Variants in CACNA1H observed in about 807,000 individuals in gnomAD.
CACNA1H encodes the protein calcium voltage-gated channel subunit alpha1 H.
In CACNA1H, 149 loss-of-function variants were observed where a neutral mutation model predicts 192.5. The observed-to-expected ratio is 0.77, with a 90% CI of 0.68 to 0.89. The LOEUF (loss-of-function observed/expected upper bound fraction) is 0.89. Ranked by LOEUF, CACNA1H falls within the 40% of genes least tolerant of loss-of-function variation. The probability of loss-of-function intolerance (pLI) is 0.00; values close to 1 mark genes in which losing one functional copy is unlikely to be tolerated. For synonymous variants in CACNA1H, 2,202 were observed against 1,475.2 expected, an observed-to-expected ratio of 1.49 and a Z score of -11.29; for missense variants, 4,257 against 3,423.5, an observed-to-expected ratio of 1.24 and a Z score of -6.08.
intron 12 of CACNA1H, 60 bp from the exon 13 acceptor site, chr16:1,206,941 C>T (rs1968796828): frequency 8.6e-6 from 4 of 466,020 alleles, no homozygotes; most frequent in Admixed American, 3.4e-5. Context: ...GCTCCCCCAC[C>T]TTCTTCCGCT....
At chr16:1,171,046 C>G (rs1964317760) in intron 2 of CACNA1H, among the ~76,000 whole-genome samples, 1 of 152,144 alleles carries the variant, frequency 6.6e-6, no homozygotes, top group Admixed American at 6.5e-5. Flanking sequence ...TAGCCCGTCC[C>G]TCCCTCTTCC....
intron 5 of CACNA1H, 100 bp from the exon 6 acceptor site, chr16:1,198,515 G>A: frequency 2.2e-6 from 3 of 1,350,134 alleles, no homozygotes; most frequent in Non-Finnish European, 3.1e-6. Context: ...GACACCCACT[G>A]TGAACAGTGG....
intron 2 of CACNA1H, among the ~76,000 whole-genome samples, chr16:1,169,156 C>T (rs1964104441): frequency 5.0e-5 from 4 of 79,594 alleles, no homozygotes; most frequent in African/African-American, 1.6e-4. Flanking sequence ...GCCAGTCTTC[C>T]TGCGGCGGGG....
rs1403757253 is a variant in CACNA1H, at chr16:1,206,302, C to T, written c.2789+13C>T. On this transcript the variant is annotated intron_variant, in intron 12 of 34. Transcript: ENST00000348261. ...TTTTCATCTTCAGGTGGGCGCAACC[C>T]CCCTCCCGGCCCGCCCAGTGTCTCA... 1.9e-6 allele frequency: 3 copies of T among 1,547,182 alleles called. No individual in the cohort carries two copies. The highest frequency in any genetic ancestry group is 2.7e-5 in the African/African-American group (2 of 72,980).
At chr16:1,217,398 C>G (rs971801900) in intron 31 of CACNA1H, among the ~76,000 whole-genome samples, 5 of 152,206 alleles carry the variant, frequency 3.3e-5, no homozygotes, top group Admixed American at 2.0e-4. Flanking sequence ...ACCTGGTGGC[C>G]GTAGCCTCCT....
intron 9 of CACNA1H, among the ~76,000 whole-genome samples, chr16:1,202,699 G>C (rs943142330): frequency 4.6e-5 from 7 of 152,162 alleles, no homozygotes; most frequent in Non-Finnish European, 1.0e-4. Context: ...GCGGAGGTGG[G>C]ATTTTGAATC....
intron 31 of CACNA1H, 116 bp from the exon 32 acceptor site, chr16:1,217,803 C>T (rs1970153568): frequency 7.4e-7 from 1 of 1,351,352 alleles, no homozygotes; most frequent in Non-Finnish European, 9.9e-7. Context: ...TCGTCATCCA[C>T]ATCCTCCGGG....
At chr16:1,215,446 A>C in intron 29 of CACNA1H, 71 bp downstream of exon 29, 1 of 587,784 alleles carries the variant, frequency 1.7e-6, no homozygotes, top group Non-Finnish European at 3.0e-6. Context: ...GGTGGGAGTG[A>C]GGGGCGGGGC....
chr16:1,217,917 A>C lies in CACNA1H; in HGVS notation c.5324-2A>C. ...GACCGGGCGGGGTCTCCCTCCCCGCAGAGTGCAGTGAAGACAACCCCTGCG... is the reference window on the plus strand; with the variant it reads ...GACCGGGCGGGGTCTCCCTCCCCGCCGAGTGCAGTGAAGACAACCCCTGCG... On this transcript the variant is annotated splice_acceptor_variant, in intron 31 of 34. Coordinates refer to ENST00000348261, the MANE Select transcript of CACNA1H (RefSeq NM_021098.3). LOFTEE classifies it high-confidence loss of function. 6.2e-7 allele frequency: 1 copy of C among 1,600,238 alleles called. No homozygotes were observed. Among genetic ancestry groups the C allele is most frequent in the Non-Finnish European group, 8.5e-7 (1 of 1,174,256 alleles).
At chr16:1,190,653 C>T (rs1384012704) in intron 2 of CACNA1H, among the ~76,000 whole-genome samples, 4 of 152,238 alleles carry the variant, frequency 2.6e-5, no homozygotes, top group Admixed American at 6.5e-5. Flanking sequence ...CCTTGGGGCC[C>T]CCCAGACCCT....
intron 2 of CACNA1H, among the ~76,000 whole-genome samples, chr16:1,164,049 T>C (rs1242609763): frequency 2.0e-5 from 3 of 152,154 alleles, no homozygotes; most frequent in Non-Finnish European, 4.4e-5. Context: ...GGTGTGAGAC[T>C]GCCTGGCCGC....
At chr16:1,176,737 T>A (rs548783837) in intron 2 of CACNA1H, among the ~76,000 whole-genome samples, 1 of 152,036 alleles carries the variant, frequency 6.6e-6, no homozygotes, top group Non-Finnish European at 1.5e-5. Flanking sequence ...CTCATGAAGC[T>A]CAGTTTATCA....
chr16:1,206,648 G>A lies in CACNA1H; in HGVS notation c.2790-353G>A, dbSNP rs756122411. The A allele has an allele frequency of 8.4e-5, 35 of 414,708 alleles. 1 individual carries two copies. The highest frequency in any genetic ancestry group is 3.4e-4 in the African/African-American group (17 of 49,742). The allele number at this position is 414,708 out of a possible 1,614,324, so 25.7% of individuals were successfully genotyped here. A position where few individuals can be genotyped will look rare whatever the true frequency, so the allele number is the denominator to read the frequency against. On this transcript the variant is annotated intron_variant, in intron 12 of 34. Transcript: ENST00000348261. ...TAGCCTGGAGCTCAGGGTCAGGGTC[G>A]GCTGGAGGCTAGGCAGCCAGGCAGG... is the stretch of plus-strand genomic sequence containing the variant.
intron 33 of CACNA1H, 22 bp downstream of exon 33, chr16:1,218,673 T>C: frequency 6.6e-7 from 1 of 1,512,752 alleles, no homozygotes; most frequent in Non-Finnish European, 8.9e-7. Context: ...AGCAGGAAGA[T>C]ATGGGCTGGG....
chr16:1,177,839 C>T (rs1381570728), intron 2 of CACNA1H, among the ~76,000 whole-genome samples: 4 of 152,010 alleles, frequency 2.6e-5, no homozygotes, highest in Non-Finnish European at 4.4e-5. Context: ...AGGGCTCCGC[C>T]GCTCCTGACC....
chr16:1,202,129 C>T lies in CACNA1H; in HGVS notation c.1679C>T (p.Pro560Leu), dbSNP rs971272269. Residue 560 changes from proline to leucine, a missense_variant, in exon 9 of 35, where the codon CCT (proline) becomes CTT (leucine). By Grantham distance (98) the Pro-to-Leu change is moderately conservative. Coordinates refer to ENST00000348261, the MANE Select transcript of CACNA1H (RefSeq NM_021098.3). Reference protein sequence around the residue: ...LVRAGAPPSPPSPGRGPPDAE... With the variant: ...LVRAGAPPSPLSPGRGPPDAE... ...CGAGCTGGCGCGCCCCCCTCGCCAC[C>T]TTCCCCAGGCCGCGGACCCCCCGAC... 1 of 1,548,034 alleles carries T rather than the reference C, an allele frequency of 6.5e-7. No homozygotes were observed. Among genetic ancestry groups the T allele is most frequent in the Non-Finnish European group, 8.7e-7 (1 of 1,146,200 alleles).
chr16:1,179,586 G>T (rs1020158072), intron 2 of CACNA1H, among the ~76,000 whole-genome samples: 1 of 152,000 alleles, frequency 6.6e-6, no homozygotes, highest in African/African-American at 2.4e-5. Flanking sequence ...CCGCCACCAT[G>T]CCTGGCTAAT....
intron 2 of CACNA1H, among the ~76,000 whole-genome samples, chr16:1,186,528 A>C (rs1038330336): frequency 2.6e-5 from 4 of 152,002 alleles, no homozygotes; most frequent in Non-Finnish European, 5.9e-5. Context: ...CGGCGTTCTC[A>C]TCCTCCGGCG....
intron 33 of CACNA1H, 92 bp from the exon 34 acceptor site, chr16:1,218,878 G>A: frequency 7.7e-7 from 1 of 1,296,568 alleles, no homozygotes; most frequent in Non-Finnish European, 1.1e-6. Context: ...CAGGAAGGAG[G>A]ATGGTGGCAG....
Sources: allele counts gnomAD v4.1 joint callset (sites outside exome capture counted in the v4.1 genomes callset), GRCh38; gene constraint gnomAD v4.1.1; transcripts MANE v1.5; gene names NCBI Gene and HGNC (gene_info 2026-07-23, HGNC 2026-07-21).